The following PCSK2 variants were observed in gnomAD, a reference collection of about 807,000 sequenced individuals.
The protein encoded by PCSK2 is proprotein convertase subtilisin/kexin type 2.
A neutral mutation model predicts 69.7 loss-of-function variants in PCSK2; 14 were observed. That is an observed-to-expected ratio of 0.20 (90% CI 0.13 to 0.31). The LOEUF is 0.31. Among genes scored for constraint, PCSK2 ranks in the 10% least tolerant of loss-of-function variants. The pLI, the probability that PCSK2 is intolerant of heterozygous loss-of-function variation, is 1.00. For missense variants in PCSK2, 544 were observed against 842.5 expected (o/e 0.65, Z 4.39); for synonymous variants, 307 against 320.7 (o/e 0.96, Z 0.46).
chr20:17,366,340 A>G (rs531126251), intron 4 of PCSK2, among the ~76,000 whole-genome samples: 2 of 152,290 alleles, frequency 1.3e-5, no homozygotes, highest in East Asian at 3.9e-4. Flanking sequence ...CCAAATTATA[A>G]CCAAGTCTTT....
intron 2 of PCSK2, among the ~76,000 whole-genome samples, chr20:17,289,420 G>A (rs901956602): frequency 6.6e-6 from 1 of 152,156 alleles, no homozygotes. Context: ...AATAATGGGA[G>A]AGGTTCTGTG....
At chr20:17,319,595 T>G (rs2123128207) in intron 2 of PCSK2, among the ~76,000 whole-genome samples, 1 of 152,166 alleles carries the variant, frequency 6.6e-6, no homozygotes, top group Non-Finnish European at 1.5e-5. Context: ...GCTTATAGCA[T>G]GTTTACTATA....
intron 6 of PCSK2, among the ~76,000 whole-genome samples, chr20:17,423,691 T>C (rs2032183936): frequency 6.6e-6 from 1 of 151,804 alleles, no homozygotes; most frequent in Non-Finnish European, 1.5e-5. Flanking sequence ...AGCCACAGAC[T>C]AGAAGACGTG....
intron 2 of PCSK2, among the ~76,000 whole-genome samples, chr20:17,300,726 G>A (rs1989052303): frequency 6.6e-6 from 1 of 152,050 alleles, no homozygotes; most frequent in South Asian, 2.1e-4. Context: ...AAAATAGAAA[G>A]GTTTTAAACA....
intron 1 of PCSK2, among the ~76,000 whole-genome samples, chr20:17,247,622 G>T (rs375760597): frequency 1.3e-5 from 2 of 152,152 alleles, no homozygotes; most frequent in Non-Finnish European, 2.9e-5. Flanking sequence ...TGTTCTGAGG[G>T]TTCTGAATCC....
intron 1 of PCSK2, among the ~76,000 whole-genome samples, chr20:17,247,849 C>T (rs180684748): frequency 6.6e-6 from 1 of 152,136 alleles, no homozygotes; most frequent in African/African-American, 2.4e-5. Context: ...TTGCCAGTTC[C>T]CTGGAGTTCC....
intron 2 of PCSK2, among the ~76,000 whole-genome samples, chr20:17,301,145 G>T (rs1389404943): frequency 6.6e-6 from 1 of 152,232 alleles, no homozygotes; most frequent in African/African-American, 2.4e-5. Flanking sequence ...TACAGGATAA[G>T]CAAAGAGAGC....
chr20:17,367,102 A>C lies in PCSK2; in HGVS notation c.506-2138A>C, dbSNP rs1232955071. 3.3e-5 allele frequency among the ~76,000 whole-genome samples: 5 copies of C among 151,408 alleles called. No individual in the cohort carries two copies. In the East Asian group the frequency reaches 7.7e-4, roughly 23 times the overall value. ...TATATTTTAAAATATAAATATTTAAAATATAAATTATATTTTTGATCATTT... is the reference window on the plus strand; with the variant it reads ...TATATTTTAAAATATAAATATTTAACATATAAATTATATTTTTGATCATTT... On this transcript the variant is annotated intron_variant, in intron 4 of 11. Transcript: ENST00000262545.
At chr20:17,317,864 C>T (rs114268730) in intron 2 of PCSK2, among the ~76,000 whole-genome samples, 2,113 of 151,962 alleles carry the variant, frequency 0.014, 24 homozygotes, top group African/African-American at 0.035. Context: ...AAGATGTAGA[C>T]GCAGGAAGGA....
intron 1 of PCSK2, among the ~76,000 whole-genome samples, chr20:17,251,032 G>A (rs918998676): frequency 1.2e-4 from 18 of 152,008 alleles, no homozygotes; most frequent in Admixed American, 8.5e-4. Context: ...TCCAAGAGGC[G>A]AAGGTTGCAG....
At chr20:17,473,044 A>T (rs1421781776) in intron 11 of PCSK2, among the ~76,000 whole-genome samples, 2 of 150,514 alleles carry the variant, frequency 1.3e-5, no homozygotes, top group Non-Finnish European at 2.9e-5. Flanking sequence ...AGACTGGAAC[A>T]CTACGATTTT....
chr20:17,296,412 G>C (rs552504521), intron 2 of PCSK2, among the ~76,000 whole-genome samples: 5 of 152,118 alleles, frequency 3.3e-5, no homozygotes, highest in Non-Finnish European at 7.4e-5. Context: ...TAAATAAGAT[G>C]ACCTTTTGTA....
intron 2 of PCSK2, among the ~76,000 whole-genome samples, chr20:17,322,888 G>A (rs1057399003): frequency 1.1e-4 from 16 of 152,106 alleles, no homozygotes; most frequent in African/African-American, 3.9e-4. Flanking sequence ...TTCTTGAGAT[G>A]GAGTTCACTC....
At chr20:17,335,321 AG>A (rs924757057) in intron 2 of PCSK2, among the ~76,000 whole-genome samples, 28 of 152,112 alleles carry the variant, frequency 1.8e-4, no homozygotes, top group Non-Finnish European at 2.6e-4. Flanking sequence ...CCATAGCCTC[AG>A]GGGGCTCAGA....
intron 2 of PCSK2, among the ~76,000 whole-genome samples, chr20:17,323,362 A>C (rs1989935493): frequency 6.6e-6 from 1 of 152,222 alleles, no homozygotes; most frequent in Admixed American, 6.5e-5. Context: ...CCTCAGAGGA[A>C]ACAAAACATG....
chr20:17,297,338 G>A (rs1988927961), intron 2 of PCSK2, among the ~76,000 whole-genome samples: 1 of 152,212 alleles, frequency 6.6e-6, no homozygotes, highest in African/African-American at 2.4e-5. Flanking sequence ...CTGGGATTTG[G>A]GAGAGTAGTT....
chr20:17,474,927 C>T (rs2033266009), intron 11 of PCSK2, among the ~76,000 whole-genome samples: 1 of 152,094 alleles, frequency 6.6e-6, no homozygotes, highest in Non-Finnish European at 1.5e-5. Flanking sequence ...AGACACTGTG[C>T]AGAGGGATGT....
chr20:17,477,012 G>C (rs570589233), intron 11 of PCSK2, among the ~76,000 whole-genome samples: 92 of 152,262 alleles, frequency 6.0e-4, no homozygotes, highest in African/African-American at 2.2e-3. Flanking sequence ...TGGGAGAGGG[G>C]AATACAGCAG....
chr20:17,291,836 G>A (rs553711519), intron 2 of PCSK2, among the ~76,000 whole-genome samples: 5 of 152,186 alleles, frequency 3.3e-5, no homozygotes, highest in South Asian at 4.2e-4. Context: ...AGGAACCTAG[G>A]CTCCTTTATT....
Sources: gnomAD v4.1 joint callset for allele counts (sites outside exome capture counted in the v4.1 genomes callset) on GRCh38, gnomAD v4.1.1 for gene constraint, MANE v1.5 for transcripts, NCBI Gene and HGNC (gene_info 2026-07-23, HGNC 2026-07-21) for gene names.